Variants in SORCS1 observed in about 807,000 individuals in gnomAD.
The protein encoded by SORCS1 is VPS10 domain-containing receptor SorCS1.
SORCS1 carries 60 observed loss-of-function variants against 146.1 expected under a neutral mutation model. The observed-to-expected ratio is 0.41, with a 90% CI of 0.33 to 0.51. The LOEUF is 0.51. Ranked by LOEUF, SORCS1 falls within the 20% of genes least tolerant of loss-of-function variation. The pLI is 0.21. For missense variants in SORCS1, 1,352 were observed against 1,487.6 expected (o/e 0.91, Z 1.50); for synonymous variants, 637 against 584.0 (o/e 1.09, Z -1.31).
At chr10:106,943,210 T>C (rs1443732419) in intron 2 of SORCS1, among the ~76,000 whole-genome samples, 1 of 152,218 alleles carries the variant, frequency 6.6e-6, no homozygotes, top group African/African-American at 2.4e-5. Flanking sequence ...CTGTGGTGTT[T>C]AATGTTCTTC....
chr10:107,134,242 A>AT (rs1185172216), intron 1 of SORCS1, among the ~76,000 whole-genome samples: 1 of 152,170 alleles, frequency 6.6e-6, no homozygotes, highest in Non-Finnish European at 1.5e-5. Context: ...AGTAACTATC[A>AT]TTTTACTGCA....
In SORCS1 at chr10:106,999,636, G is replaced by A. The variant is rs564171785; in HGVS notation, c.559-43056C>T. Among the ~76,000 whole-genome samples, 66 of 152,302 alleles carry A rather than the reference G, an allele frequency of 4.3e-4. 1 individual carries two copies. Among genetic ancestry groups the A allele is most frequent in the African/African-American group, 1.4e-3 (60 of 41,566 alleles). On this transcript the variant is annotated intron_variant, in intron 1 of 25. Coordinates refer to ENST00000263054, the MANE Select transcript of SORCS1 (RefSeq NM_052918.5). ...CTTACAAGACAAACTGTTTCCATTT[G>A]CACCAGCAGAAGCTTGGCTCTGGCA...
rs185902662 is a variant in SORCS1 at position 106,751,697 on chromosome 10, G to A, written c.959+9891C>T. Among the ~76,000 whole-genome samples, 526 of 152,174 alleles carry A rather than the reference G, an allele frequency of 3.5e-3. 9 individuals carry two copies. Among genetic ancestry groups the A allele is most frequent in the African/African-American group, 0.012 (507 of 41,510 alleles). Reference sequence around the variant, plus strand: ...GAATTCTGGCATTTTCATGCTAGAGGGAAATACAGAGGTTACCTACTATAG... The same window carrying A: ...GAATTCTGGCATTTTCATGCTAGAGAGAAATACAGAGGTTACCTACTATAG... On this transcript the variant is annotated intron_variant, in intron 5 of 25. Coordinates refer to ENST00000263054, the MANE Select transcript of SORCS1 (RefSeq NM_052918.5).
At position 106,910,784 on chromosome 10, in the gene SORCS1, G is replaced by A. The variant is rs1219727772; in HGVS notation, c.626+45729C>T. On this transcript the variant is annotated intron_variant, in intron 2 of 25. Coordinates refer to ENST00000263054, the MANE Select transcript of SORCS1 (RefSeq NM_052918.5). Reference sequence around the variant, plus strand: ...TCTACCTGATCCTGGACCATGGCACGTGCTATTGTTCACTTTTAATTTTTT... The same window carrying A: ...TCTACCTGATCCTGGACCATGGCACATGCTATTGTTCACTTTTAATTTTTT... 4.6e-5 allele frequency among the ~76,000 whole-genome samples: 7 copies of A among 152,096 alleles called. No individual in the cohort carries two copies. In the East Asian group the frequency reaches 5.8e-4, roughly 13 times the overall value.
intron 1 of SORCS1, among the ~76,000 whole-genome samples, chr10:107,085,372 T>C (rs931866916): frequency 2.6e-5 from 4 of 152,148 alleles, no homozygotes; most frequent in Non-Finnish European, 5.9e-5. Flanking sequence ...CAAATTGGGG[T>C]GACTCATCAT....
intron 16 of SORCS1, among the ~76,000 whole-genome samples, chr10:106,669,529 G>A (rs1389517154): frequency 6.6e-6 from 1 of 152,166 alleles, no homozygotes; most frequent in African/African-American, 2.4e-5. Flanking sequence ...TTCAGAAAGA[G>A]GGATGCAATG....
At chr10:106,709,864 TAC>T (rs879446172) in intron 6 of SORCS1, among the ~76,000 whole-genome samples, 2 of 152,236 alleles carry the variant, frequency 1.3e-5, no homozygotes, top group Admixed American at 6.5e-5. Flanking sequence ...CAATACCACC[TAC>T]ATCATCTCCT....
chr10:107,044,931 G>A (rs1215967958), intron 1 of SORCS1, among the ~76,000 whole-genome samples: 1 of 151,990 alleles, frequency 6.6e-6, no homozygotes, highest in Non-Finnish European at 1.5e-5. Context: ...AACACATGCT[G>A]CAGGAGATGG....
chr10:106,784,579 A>C (rs2136447725), intron 3 of SORCS1, among the ~76,000 whole-genome samples: 1 of 152,282 alleles, frequency 6.6e-6, no homozygotes, highest in African/African-American at 2.4e-5. Flanking sequence ...CACTTCCATC[A>C]ACATTACAAG....
At chr10:107,071,834 T>C (rs546482845) in intron 1 of SORCS1, among the ~76,000 whole-genome samples, 1 of 152,238 alleles carries the variant, frequency 6.6e-6, no homozygotes, top group African/African-American at 2.4e-5. Flanking sequence ...TAATTGAAGA[T>C]GTAAAAAGAG....
chr10:106,897,035 C>T (rs1951513186), intron 2 of SORCS1, among the ~76,000 whole-genome samples: 2 of 151,686 alleles, frequency 1.3e-5, no homozygotes, highest in South Asian at 4.2e-4. Context: ...GGACTACAGG[C>T]GCCTGCCACC....
intron 2 of SORCS1, among the ~76,000 whole-genome samples, chr10:106,949,052 A>C (rs1023395628): frequency 2.0e-5 from 3 of 152,220 alleles, no homozygotes; most frequent in Admixed American, 6.5e-5. Flanking sequence ...AAAACACAAA[A>C]GAATCTAGAA....
At chr10:106,809,510 A>G (rs925341002) in intron 3 of SORCS1, among the ~76,000 whole-genome samples, 8 of 152,292 alleles carry the variant, frequency 5.3e-5, no homozygotes, top group African/African-American at 1.4e-4. Context: ...ATGACGGCCA[A>G]AATGCAAAAT....
intron 19 of SORCS1, among the ~76,000 whole-genome samples, chr10:106,623,691 A>C (rs537705171): frequency 6.6e-6 from 1 of 151,884 alleles, no homozygotes; most frequent in Non-Finnish European, 1.5e-5. Context: ...TTTGAGACAG[A>C]GTCTCCCTCT....
chr10:106,946,237 C>G (rs1020172410), intron 2 of SORCS1, among the ~76,000 whole-genome samples: 1 of 152,148 alleles, frequency 6.6e-6, no homozygotes, highest in South Asian at 2.1e-4. Context: ...TTTAATGATA[C>G]TTAATAAGAC....
chr10:106,608,055 C>T (rs1846730295), intron 22 of SORCS1, among the ~76,000 whole-genome samples: 1 of 152,182 alleles, frequency 6.6e-6, no homozygotes, highest in Non-Finnish European at 1.5e-5. Flanking sequence ...CCAGGGTTTC[C>T]CCTGAATCCT....
intron 1 of SORCS1, among the ~76,000 whole-genome samples, chr10:107,085,981 G>T (rs1963728563): frequency 6.6e-6 from 1 of 152,174 alleles, no homozygotes; most frequent in African/African-American, 2.4e-5. Flanking sequence ...AATGCAGTTG[G>T]ATAAAGAAGT....
At chr10:106,585,320 A>G (rs1845163625) in intron 24 of SORCS1, among the ~76,000 whole-genome samples, 1 of 152,156 alleles carries the variant, frequency 6.6e-6, no homozygotes, top group Admixed American at 6.5e-5. Context: ...ACAGTTTGAG[A>G]ATACCGCATA....
rs764174720 is a variant in SORCS1, at chr10:106,574,404, T to G, written c.*3016A>C. ...TCCTCTGACCTTAAGCCCACCAAAC[T>G]CCTTGTGTGTTTGCACCTGCGATTA... is the stretch of plus-strand genomic sequence containing the variant. On this transcript the variant is annotated 3_prime_UTR_variant, in exon 26 of 26. Transcript: ENST00000263054. The G allele has an allele frequency of 3.3e-5, 5 of 152,460 alleles. No homozygotes were observed. The highest frequency in any genetic ancestry group is 2.9e-5 in the Non-Finnish European group (2 of 68,010). 9.4% of individuals were successfully genotyped at this position (152,460 alleles called of 1,614,324 possible).
Sources: gnomAD v4.1 joint callset for allele counts (sites outside exome capture counted in the v4.1 genomes callset) on GRCh38, gnomAD v4.1.1 for gene constraint, MANE v1.5 for transcripts, NCBI Gene and HGNC (gene_info 2026-07-23, HGNC 2026-07-21) for gene names.